Variants in SHANK2 observed in about 807,000 individuals in gnomAD.
SHANK2 encodes the protein SH3 and multiple ankyrin repeat domains 2.
SHANK2 carries 43 observed loss-of-function variants against 133.7 expected under a neutral mutation model. The observed-to-expected ratio is 0.32, with a 90% CI of 0.25 to 0.41. SHANK2 has a LOEUF of 0.41. SHANK2 is among the 10% of genes least tolerant of loss of function. SHANK2 has a pLI of 1.00. For synonymous variants in SHANK2, 1,017 were observed against 952.8 expected (o/e 1.07, Z -1.24); for missense variants, 1,994 against 2,235.8 (o/e 0.89, Z 2.18).
At chr11:70,543,463 G>C (rs1554975620) in intron 17 of SHANK2, among the ~76,000 whole-genome samples, 1 of 152,194 alleles carries the variant, frequency 6.6e-6, no homozygotes. Context: ...GCCAATGATT[G>C]AATCAATCAT....
At chr11:70,613,600 A>G (rs2060695506) in intron 17 of SHANK2, among the ~76,000 whole-genome samples, 2 of 152,086 alleles carry the variant, frequency 1.3e-5, no homozygotes, top group South Asian at 2.1e-4. Flanking sequence ...GTGTCCCCCA[A>G]AAAGAGGTGT....
intron 11 of SHANK2, among the ~76,000 whole-genome samples, chr11:70,877,590 G>A (rs567896986): frequency 1.1e-4 from 17 of 152,230 alleles, no homozygotes; most frequent in Admixed American, 5.9e-4. Context: ...GTACACATCC[G>A]AGACTCCCCA....
intron 10 of SHANK2, among the ~76,000 whole-genome samples, chr11:70,941,817 CCTGT>C (rs1463402387): frequency 5.9e-5 from 9 of 152,056 alleles, no homozygotes; most frequent in African/African-American, 1.7e-4. Flanking sequence ...GCTATAGCAG[CCTGT>C]CTTTGTCTGT....
chr11:70,583,493 G>A (rs906539051), intron 17 of SHANK2, among the ~76,000 whole-genome samples: 10 of 152,180 alleles, frequency 6.6e-5, no homozygotes, highest in Non-Finnish European at 1.2e-4. Context: ...TGGCAGGTGC[G>A]ATTTTCATGA....
chr11:70,847,695 T>C (rs1192618300), intron 11 of SHANK2, among the ~76,000 whole-genome samples: 1 of 152,008 alleles, frequency 6.6e-6, no homozygotes, highest in Non-Finnish European at 1.5e-5. Flanking sequence ...AGGTTCCGAG[T>C]TCACAAGCAG....
intron 11 of SHANK2, among the ~76,000 whole-genome samples, chr11:70,855,394 T>C (rs1949153660): frequency 6.6e-6 from 1 of 152,156 alleles, no homozygotes. Flanking sequence ...AGGTTTCAGA[T>C]CCCTCCTCTT....
chr11:71,234,260 G>A (rs1178934978), intron 1 of SHANK2, among the ~76,000 whole-genome samples: 1 of 147,454 alleles, frequency 6.8e-6, no homozygotes, highest in African/African-American at 2.5e-5. Flanking sequence ...TACTCAGAAG[G>A]CTGAGGCAGG....
At chr11:70,532,768 C>T (rs1174567155) in intron 17 of SHANK2, among the ~76,000 whole-genome samples, 2 of 152,174 alleles carry the variant, frequency 1.3e-5, no homozygotes, top group Non-Finnish European at 2.9e-5. Flanking sequence ...CTTATAACCC[C>T]AGAATAATTC....
rs1423393108 is a variant in SHANK2, at chr11:70,909,022, G to A, written c.1108-12455C>T. ...TGGCAGTCAAGGGAATAAAAACCTC[G>A]AAAAACATCAGCGTGTAAGTTTAAC... On this transcript the variant is annotated intron_variant, in intron 10 of 25. Coordinates refer to ENST00000601538, the MANE Select transcript of SHANK2 (RefSeq NM_012309.5). Among the ~76,000 whole-genome samples, 11 of 152,240 alleles carry A rather than the reference G, an allele frequency of 7.2e-5. No individual in the cohort carries two copies. In the South Asian group the frequency reaches 8.3e-4, roughly 11 times the overall value.
chr11:70,861,384 T>G (rs1284771241), intron 11 of SHANK2, among the ~76,000 whole-genome samples: 1 of 152,124 alleles, frequency 6.6e-6, no homozygotes, highest in East Asian at 1.9e-4. Context: ...AGATGAAAAT[T>G]TATGTTTTCC....
chr11:71,147,222 G>A lies in SHANK2; in HGVS notation c.105C>T (p.Asp35=). ...GCTTCTCCGCAGTGGCCCGGATCGT[G>A]TCATAGATGGTCTCTTCTTTGGAGC... ...SDSSKEETIY[D]TIRATAEKPG... The change falls in exon 3 of 26, where the codon GAC becomes GAT. Residue 35 remains aspartate (D), a synonymous_variant. Transcript: ENST00000601538. The A allele has an allele frequency of 6.4e-7, 1 of 1,550,914 alleles. No individual in the cohort carries two copies. The highest frequency in any genetic ancestry group is 8.7e-7 in the Non-Finnish European group (1 of 1,146,970).
intron 2 of SHANK2, among the ~76,000 whole-genome samples, chr11:71,174,246 T>A (rs1367389702): frequency 1.3e-5 from 2 of 152,180 alleles, no homozygotes; most frequent in Admixed American, 6.5e-5. Flanking sequence ...GAAACAGTCA[T>A]TAAGAACACA....
rs115241008 is a variant in SHANK2 at position 70,539,873 on chromosome 11, G to C, written c.2062-36942C>G. 9.2e-3 allele frequency among the ~76,000 whole-genome samples: 1,402 copies of C among 152,318 alleles called. 15 individuals carry two copies. The highest frequency in any genetic ancestry group is 0.032 in the African/African-American group (1,334 of 41,556). ...CAAGATCAAGGTGTGGGCAGGGTGG[G>C]TTCCTCTGGGGACTGCGAGGCAGTT... On this transcript the variant is annotated intron_variant, in intron 17 of 25. Transcript: ENST00000601538.
chr11:71,084,777 G>A (rs1461223959), intron 8 of SHANK2, among the ~76,000 whole-genome samples: 1 of 152,236 alleles, frequency 6.6e-6, no homozygotes, highest in Non-Finnish European at 1.5e-5. Flanking sequence ...AGACAGGCCA[G>A]GAGTGAATCC....
At chr11:70,606,487 C>G (rs2060578817) in intron 17 of SHANK2, among the ~76,000 whole-genome samples, 1 of 115,854 alleles carries the variant, frequency 8.6e-6, no homozygotes, top group African/African-American at 3.4e-5. Context: ...CCAGCATGAA[C>G]CACAGAGTGA....
intron 2 of SHANK2, among the ~76,000 whole-genome samples, chr11:71,168,997 CG>C (rs1953250620): frequency 6.6e-6 from 1 of 152,144 alleles, no homozygotes. Flanking sequence ...TGAAGGTATT[CG>C]GTTGGTGCAA....
intron 13 of SHANK2, among the ~76,000 whole-genome samples, chr11:70,801,343 CA>C (rs1175438424): frequency 6.6e-6 from 1 of 152,180 alleles, no homozygotes; most frequent in Admixed American, 6.5e-5. Flanking sequence ...GCCTTCATGT[CA>C]GGGGCGTAAA....
rs148317185 is a variant in SHANK2 at position 70,887,502 on chromosome 11, C to G, written c.1174+8999G>C. 3.6e-4 allele frequency among the ~76,000 whole-genome samples: 55 copies of G among 152,116 alleles called. 1 individual carries two copies. The East Asian group carries it at 0.01, about 29-fold the overall frequency. Reference sequence around the variant, plus strand: ...CTCTTTTAAAGAGATACACTTGAATCCATTTCTGGGTTCTACAGACCTCAG... The same window carrying G: ...CTCTTTTAAAGAGATACACTTGAATGCATTTCTGGGTTCTACAGACCTCAG... On this transcript the variant is annotated intron_variant, in intron 11 of 25. Coordinates refer to ENST00000601538, the MANE Select transcript of SHANK2 (RefSeq NM_012309.5).
At chr11:71,208,690 G>T (rs1954184643) in intron 2 of SHANK2, among the ~76,000 whole-genome samples, 1 of 152,206 alleles carries the variant, frequency 6.6e-6, no homozygotes. Flanking sequence ...ATTCCCCTAG[G>T]TGTGATCCTT....
Sources: gnomAD v4.1 joint callset for allele counts (sites outside exome capture counted in the v4.1 genomes callset) on GRCh38, gnomAD v4.1.1 for gene constraint, MANE v1.5 for transcripts, NCBI Gene and HGNC (gene_info 2026-07-23, HGNC 2026-07-21) for gene names.